Variants in RIC8B observed in about 807,000 individuals in gnomAD.
The protein encoded by RIC8B is RIC8 guanine nucleotide exchange factor B.
Under a neutral mutation model 57.5 loss-of-function variants are expected in RIC8B, and 16 were observed. The ratio of observed to expected loss-of-function variants is 0.28; its 90% confidence interval spans 0.19 to 0.42. The LOEUF is 0.42. Among genes scored for constraint, RIC8B ranks in the 10% least tolerant of loss-of-function variants. The pLI is 1.00. For missense variants in RIC8B, 481 were observed against 677.0 expected (o/e 0.71, Z 3.21); for synonymous variants, 216 against 250.8 (o/e 0.86, Z 1.31).
rs1172287676 is a variant in RIC8B at position 106,796,271 on chromosome 12, C to G, written c.132+12227C>G. On this transcript the variant is annotated intron_variant, in intron 2 of 9. Transcript: ENST00000392837. ...TTTACTACAGGGCCAAGAGCGGTGG[C>G]TCACACCTATAATCCCAGCACGTTA... Among the ~76,000 whole-genome samples, 3 of 152,130 alleles carry G rather than the reference C, an allele frequency of 2.0e-5. 1 individual carries two copies. The South Asian group carries it at 6.2e-4, about 32-fold the overall frequency.
Position 106,872,704 on chromosome 12 carries a change from A to G in RIC8B, c.1571+1762A>G, listed in dbSNP as rs138966666. ...AAAAAAAACAAACCCGACAGAGTCCATCTGGTAGAAACTGGAGAGGAAAGG... is the reference window on the plus strand; with the variant it reads ...AAAAAAAACAAACCCGACAGAGTCCGTCTGGTAGAAACTGGAGAGGAAAGG... On this transcript the variant is annotated intron_variant, in intron 9 of 9. Coordinates refer to ENST00000392837, the MANE Select transcript of RIC8B (RefSeq NM_001330145.2). Among the ~76,000 whole-genome samples the G allele has an allele frequency of 1.8e-3, 274 of 150,810 alleles. 2 individuals are homozygous for G. The highest frequency in any genetic ancestry group is 6.3e-3 in the African/African-American group (259 of 41,038).
At chr12:106,833,657 C>T (rs533574305) in intron 4 of RIC8B, among the ~76,000 whole-genome samples, 26 of 152,224 alleles carry the variant, frequency 1.7e-4, no homozygotes, top group African/African-American at 5.1e-4. Flanking sequence ...GTTCTGCACA[C>T]TTACTATTTA....
intron 8 of RIC8B, 136 bp from the exon 9 acceptor site, chr12:106,870,687 A>G (rs1293554605): frequency 1.0e-5 from 6 of 573,572 alleles, no homozygotes; most frequent in Non-Finnish European, 1.7e-5. Context: ...TATCAGTTCT[A>G]TACCATAAAA....
chr12:106,875,665 C>T (rs1950626790), intron 9 of RIC8B, among the ~76,000 whole-genome samples: 1 of 152,022 alleles, frequency 6.6e-6, no homozygotes, highest in Non-Finnish European at 1.5e-5. Context: ...AGATACATTG[C>T]CTTTTTACTT....
intron 9 of RIC8B, among the ~76,000 whole-genome samples, chr12:106,876,283 A>G (rs1950660400): frequency 6.6e-6 from 1 of 152,108 alleles, no homozygotes; most frequent in African/African-American, 2.4e-5. Context: ...AAAGTAAAAT[A>G]TCTCATTATT....
At chr12:106,797,906 G>A in intron 2 of RIC8B, 1 of 568,538 alleles carries the variant, frequency 1.8e-6, no homozygotes, top group Non-Finnish European at 3.2e-6. Context: ...ACACCGTACT[G>A]CCGCTCATTA....
chr12:106,790,505 T>TGTACCTAA (rs2044221841), intron 2 of RIC8B, among the ~76,000 whole-genome samples: 1 of 152,258 alleles, frequency 6.6e-6, no homozygotes, highest in Non-Finnish European at 1.5e-5. Flanking sequence ...GCATTTGCTT[T>TGTACCTAA]ATATTCTGTA....
chr12:106,813,359 T>G (rs922169729), intron 2 of RIC8B, among the ~76,000 whole-genome samples: 1 of 151,848 alleles, frequency 6.6e-6, no homozygotes, highest in African/African-American at 2.4e-5. Context: ...CCCAGCTAAT[T>G]TTTTGTATTT....
intron 1 of RIC8B, among the ~76,000 whole-genome samples, chr12:106,781,554 T>C (rs2043763871): frequency 6.6e-6 from 1 of 152,196 alleles, no homozygotes; most frequent in South Asian, 2.1e-4. Context: ...AGATTCAATT[T>C]GTAGTGCCTC....
At chr12:106,799,078 G>A (rs1394950373) in intron 2 of RIC8B, among the ~76,000 whole-genome samples, 2 of 152,172 alleles carry the variant, frequency 1.3e-5, no homozygotes, top group Admixed American at 6.5e-5. Context: ...TCCTGTATCA[G>A]GGTGGTGTAC....
Position 106,804,572 on chromosome 12 carries a change from T to G in RIC8B, c.133-10124T>G, listed in dbSNP as rs1006473329. 2.6e-5 allele frequency among the ~76,000 whole-genome samples: 4 copies of G among 152,210 alleles called. 1 individual carries two copies. The highest frequency in any genetic ancestry group is 5.9e-5 in the Non-Finnish European group (4 of 68,030). On this transcript the variant is annotated intron_variant, in intron 2 of 9. Transcript: ENST00000392837. ...GTAAATAAATTGGTCAGGTGGCAGC[T>G]GGGAATCAAATCCAGAGCTTTAATA...
At chr12:106,837,650 T>G (rs571602819) in intron 4 of RIC8B, among the ~76,000 whole-genome samples, 4 of 148,936 alleles carry the variant, frequency 2.7e-5, no homozygotes, top group South Asian at 2.1e-4. Context: ...TTTTTTTTTT[T>G]TTTTTTTTTG....
At chr12:106,850,993 G>T (rs189370192) in intron 6 of RIC8B, among the ~76,000 whole-genome samples, 4 of 152,164 alleles carry the variant, frequency 2.6e-5, no homozygotes, top group Non-Finnish European at 4.4e-5. Flanking sequence ...AAGCACTTCT[G>T]GTCCCAAGCA....
chr12:106,852,008 C>T (rs377023933), intron 7 of RIC8B, among the ~76,000 whole-genome samples: 6 of 152,114 alleles, frequency 3.9e-5, no homozygotes, highest in Admixed American at 3.9e-4. Flanking sequence ...TTCTTTACTA[C>T]GTTTTCCAAT....
chr12:106,777,341 T>A (rs1566021688), intron 1 of RIC8B, among the ~76,000 whole-genome samples: 1 of 152,062 alleles, frequency 6.6e-6, no homozygotes, highest in Non-Finnish European at 1.5e-5. Context: ...GCAGTAAGAA[T>A]GGGGAGGTGG....
chr12:106,856,436 T>C (rs1163774192), intron 7 of RIC8B, among the ~76,000 whole-genome samples: 1 of 152,242 alleles, frequency 6.6e-6, no homozygotes, highest in Non-Finnish European at 1.5e-5. Flanking sequence ...TTCTTTATTC[T>C]TGCCTGATTA....
rs1479570943 is a variant in RIC8B at position 106,842,758 on chromosome 12, G to A, written c.1006G>A (p.Gly336Ser). The change falls in exon 5 of 10, where the codon GGT becomes AGT. Residue 336 changes from glycine to serine, a missense_variant. Physicochemically the swap from Gly to Ser is moderately conservative, Grantham distance 56. Coordinates refer to ENST00000392837, the MANE Select transcript of RIC8B (RefSeq NM_001330145.2). ...GAAAAACAATACCATGGTATACAAT[G>A]GTATGAATATGGAGGCCATTCATGT... ...VLKNNTMVYN[G>S]MNMEAIHVLL... The A allele has an allele frequency of 3.7e-6, 6 of 1,613,696 alleles. No homozygotes were observed. The highest frequency in any genetic ancestry group is 4.2e-6 in the Non-Finnish European group (5 of 1,179,736).
Position 106,887,650 on chromosome 12 carries a change from A to G in RIC8B, c.*1635A>G, listed in dbSNP as rs1243830883. ...GCTTTGAAGCTCACAAAAGAATGGCAAAGAAAGAGGCTGCTAGATTGAAGG... is the reference window on the plus strand; with the variant it reads ...GCTTTGAAGCTCACAAAAGAATGGCGAAGAAAGAGGCTGCTAGATTGAAGG... On this transcript the variant is annotated 3_prime_UTR_variant, in exon 10 of 10. Transcript: ENST00000392837. 4 of 152,230 alleles carry G rather than the reference A, an allele frequency of 2.6e-5. No individual in the cohort carries two copies. Among genetic ancestry groups the G allele is most frequent in the African/African-American group, 9.6e-5 (4 of 41,462 alleles). The allele number at this position is 152,230 out of a possible 1,614,324, so 9.4% of individuals were successfully genotyped here.
intron 9 of RIC8B, among the ~76,000 whole-genome samples, chr12:106,878,397 A>C (rs1412464429): frequency 6.6e-6 from 1 of 151,124 alleles, no homozygotes; most frequent in African/African-American, 2.5e-5. Flanking sequence ...TGGATTATGA[A>C]CTATCCATGA....
Sources: allele counts gnomAD v4.1 joint callset (sites outside exome capture counted in the v4.1 genomes callset), GRCh38; gene constraint gnomAD v4.1.1; transcripts MANE v1.5; gene names NCBI Gene and HGNC (gene_info 2026-07-23, HGNC 2026-07-21).